The following KCNH5 variants were observed in gnomAD, a reference collection of about 807,000 sequenced individuals.
KCNH5 encodes the protein potassium voltage-gated channel subfamily H member 5, also known as voltage-gated delayed rectifier potassium channel KCNH5.
KCNH5 carries 46 observed loss-of-function variants against 96.1 expected under a neutral mutation model. The ratio of observed to expected loss-of-function variants is 0.48; its 90% confidence interval spans 0.38 to 0.61. The LOEUF is 0.61. KCNH5 is among the 20% of genes least tolerant of loss of function. The pLI is 0.00. For synonymous variants in KCNH5, 439 were observed against 449.8 expected, an observed-to-expected ratio of 0.98 and a Z score of 0.30; for missense variants, 907 against 1,225.8, an observed-to-expected ratio of 0.74 and a Z score of 3.88.
intron 10 of KCNH5, among the ~76,000 whole-genome samples, chr14:62,713,960 A>G (rs909893945): frequency 2.6e-5 from 4 of 152,254 alleles, no homozygotes; most frequent in African/African-American, 9.6e-5. Context: ...AGTATTCTCA[A>G]ATTAATTCTA....
intron 10 of KCNH5, 76 bp downstream of exon 10, chr14:62,779,651 TC>T: frequency 8.3e-7 from 1 of 1,209,608 alleles, no homozygotes; most frequent in East Asian, 2.5e-5. Context: ...AAATATCTTC[TC>T]TACTCTTCAG....
intron 10 of KCNH5, among the ~76,000 whole-genome samples, chr14:62,716,955 T>C (rs181112490): frequency 1.1e-4 from 17 of 152,280 alleles, no homozygotes; most frequent in Admixed American, 9.8e-4. Context: ...AAGGATGCAG[T>C]ATACACATTC....
chr14:62,896,315 G>A (rs1159774777), intron 7 of KCNH5, among the ~76,000 whole-genome samples: 2 of 152,182 alleles, frequency 1.3e-5, no homozygotes. Context: ...CAGTGAAACA[G>A]TTCAATTCAC....
chr14:62,928,800 C>G (rs1226974482), intron 7 of KCNH5, among the ~76,000 whole-genome samples: 1 of 152,102 alleles, frequency 6.6e-6, no homozygotes, highest in African/African-American at 2.4e-5. Context: ...TCACTTCATT[C>G]TCAGTCTTTT....
intron 8 of KCNH5, among the ~76,000 whole-genome samples, chr14:62,832,513 T>C (rs1375424354): frequency 6.6e-6 from 1 of 152,186 alleles, no homozygotes; most frequent in East Asian, 1.9e-4. Flanking sequence ...TATCCATTCA[T>C]GGGCATTTAA....
At chr14:62,980,311 A>G (rs1890581859) in intron 6 of KCNH5, among the ~76,000 whole-genome samples, 1 of 152,212 alleles carries the variant, frequency 6.6e-6, no homozygotes, top group Admixed American at 6.5e-5. Context: ...AGCTATGAGG[A>G]AGAAACCAAA....
chr14:62,878,093 G>T lies in KCNH5; in HGVS notation c.1370-28241C>A, dbSNP rs535338869. Among the ~76,000 whole-genome samples the T allele has an allele frequency of 8.3e-4, 122 of 146,896 alleles. 2 individuals carry two copies. The South Asian group carries it at 0.025, about 30-fold the overall frequency. On this transcript the variant is annotated intron_variant, in intron 7 of 10. Coordinates refer to ENST00000322893, the MANE Select transcript of KCNH5 (RefSeq NM_139318.5). ...CATCATTCTCAGTAAACTATCGCAA[G>T]GACAAAAAACCAAACACCACATGTT...
intron 7 of KCNH5, among the ~76,000 whole-genome samples, chr14:62,930,284 A>G (rs1323634321): frequency 2.6e-5 from 4 of 152,084 alleles, no homozygotes; most frequent in Non-Finnish European, 5.9e-5. Flanking sequence ...ACCACTAACC[A>G]TGATGATTTT....
At chr14:62,789,126 TC>T (rs1212249130) in intron 9 of KCNH5, among the ~76,000 whole-genome samples, 1 of 152,074 alleles carries the variant, frequency 6.6e-6, no homozygotes, top group Non-Finnish European at 1.5e-5. Flanking sequence ...TTATTCTCTA[TC>T]TTTGTATATT....
At chr14:62,830,741 TG>T (rs1405052984) in intron 8 of KCNH5, among the ~76,000 whole-genome samples, 3 of 152,076 alleles carry the variant, frequency 2.0e-5, no homozygotes, top group African/African-American at 7.2e-5. Flanking sequence ...CCATATCAAT[TG>T]GTGATCCTCT....
chr14:62,784,369 A>G, intron 9 of KCNH5, among the ~76,000 whole-genome samples: 1 of 152,220 alleles, frequency 6.6e-6, no homozygotes, highest in Non-Finnish European at 1.5e-5. Flanking sequence ...GCCAAACCAT[A>G]TCATTATACT....
rs558217293 is a variant in KCNH5, at chr14:62,915,656, C to T, written c.1369+34477G>A. Among the ~76,000 whole-genome samples the T allele has an allele frequency of 1.3e-3, 200 of 152,230 alleles. 2 individuals carry two copies. Among genetic ancestry groups the T allele is most frequent in the Non-Finnish European group, 2.0e-3 (138 of 68,008 alleles). On this transcript the variant is annotated intron_variant, in intron 7 of 10. Transcript: ENST00000322893. ...AAGTATACATAAATGGAAAAAAATG[C>T]TATTCCAATAAGCATTTATAAAAGC...
At chr14:62,959,048 A>G (rs1332617279) in intron 6 of KCNH5, among the ~76,000 whole-genome samples, 2 of 152,144 alleles carry the variant, frequency 1.3e-5, no homozygotes, top group African/African-American at 4.8e-5. Context: ...TCAGAAACCA[A>G]GAAGCATCCT....
intron 7 of KCNH5, among the ~76,000 whole-genome samples, chr14:62,899,456 T>C (rs963746430): frequency 5.3e-5 from 8 of 152,240 alleles, no homozygotes; most frequent in African/African-American, 1.4e-4. Flanking sequence ...GTGACAGATA[T>C]GTTAAATGGC....
rs1027578480 is a variant in KCNH5 at position 62,700,012 on chromosome 14, C to T, written c.*7496G>A. 2.6e-5 allele frequency: 4 copies of T among 151,994 alleles called. No individual in the cohort carries two copies. Among genetic ancestry groups the T allele is most frequent in the African/African-American group, 9.7e-5 (4 of 41,372 alleles). 9.4% of individuals were successfully genotyped at this position (151,994 alleles called of 1,614,324 possible). On this transcript the variant is annotated 3_prime_UTR_variant, in exon 11 of 11. Coordinates refer to ENST00000322893, the MANE Select transcript of KCNH5 (RefSeq NM_139318.5). ...TAAAGGCAGAGGCATTTTTAATACC[C>T]CCAATATCTCACCAATATGGTTGCA...
chr14:62,825,948 T>C (rs1483091586), intron 8 of KCNH5, among the ~76,000 whole-genome samples: 4 of 152,132 alleles, frequency 2.6e-5, no homozygotes, highest in African/African-American at 9.6e-5. Context: ...AAATATACAG[T>C]TTAAAATTTC....
chr14:62,795,416 A>AT (rs1886520316), intron 9 of KCNH5, among the ~76,000 whole-genome samples: 1 of 152,126 alleles, frequency 6.6e-6, no homozygotes, highest in African/African-American at 2.4e-5. Context: ...GTGTACAGAT[A>AT]TTTTTTCTTG....
At chr14:62,768,355 A>C (rs1205680792) in intron 10 of KCNH5, among the ~76,000 whole-genome samples, 1 of 152,232 alleles carries the variant, frequency 6.6e-6, no homozygotes, top group Non-Finnish European at 1.5e-5. Flanking sequence ...CTTAACATTA[A>C]TACAAACCCT....
chr14:62,925,242 A>G (rs1889452007), intron 7 of KCNH5, among the ~76,000 whole-genome samples: 1 of 152,066 alleles, frequency 6.6e-6, no homozygotes. Context: ...CTGTTTAACT[A>G]AAAGACATAT....
Sources: gnomAD v4.1 joint callset for allele counts (sites outside exome capture counted in the v4.1 genomes callset) on GRCh38, gnomAD v4.1.1 for gene constraint, MANE v1.5 for transcripts, NCBI Gene and HGNC (gene_info 2026-07-23, HGNC 2026-07-21) for gene names.